MAP1B: variants seen among roughly 807,000 people sequenced by gnomAD.
MAP1B encodes microtubule associated protein 1B.
Under a neutral mutation model 176.1 loss-of-function variants are expected in MAP1B, and 12 were observed. The observed-to-expected ratio is 0.07, with a 90% CI of 0.04 to 0.11. The LOEUF (loss-of-function observed/expected upper bound fraction) is 0.11. Among genes scored for constraint, MAP1B ranks in the 10% least tolerant of loss-of-function variants. MAP1B has a pLI of 1.00. For synonymous variants in MAP1B, 1,044 were observed against 1,135.0 expected (o/e 0.92, Z 1.61); for missense variants, 2,523 against 2,990.5 (o/e 0.84, Z 3.65).
At chr5:72,149,548 C>T (rs956282378) in intron 2 of MAP1B, among the ~76,000 whole-genome samples, 7 of 152,228 alleles carry the variant, frequency 4.6e-5, no homozygotes, top group Non-Finnish European at 1.0e-4. Context: ...GACTCTGGCC[C>T]AGCCTTCTAA....
chr5:72,183,712 T>C, intron 2 of MAP1B, 31 bp from the exon 3 acceptor site: 4 of 1,582,142 alleles, frequency 2.5e-6, no homozygotes, highest in Non-Finnish European at 3.5e-6. Context: ...GCTAAAGGTC[T>C]CCTCTTTTGT....
At chr5:72,129,538 C>T (rs995315703) in intron 2 of MAP1B, among the ~76,000 whole-genome samples, 1 of 151,294 alleles carries the variant, frequency 6.6e-6, no homozygotes, top group African/African-American at 2.4e-5. Flanking sequence ...GCCTAGCTGA[C>T]AGAGTGAGAC....
Position 72,193,935 on chromosome 5 carries a change from G to C in MAP1B, c.580G>C (p.Gly194Arg). ...CTTAACCCTGTTCTGTCCTGAAGAA[G>C]GGGACTGGAAGAACTCCAATCTTGA... is the stretch of plus-strand genomic sequence containing the variant. ...ASLTLFCPEEGDWKNSNLDRH... is the reference protein window; with the variant it reads ...ASLTLFCPEERDWKNSNLDRH... The change falls in exon 5 of 7, where the codon GGG becomes CGG. Residue 194 changes from glycine (G) to arginine (R), a missense_variant. This residue lies in a region of MAP1B where 307 missense variants were observed against 438.4 expected (regional missense o/e 0.70). Transcript: ENST00000296755. 6.2e-7 allele frequency: 1 copy of C among 1,614,078 alleles called. No homozygotes were observed. The highest frequency in any genetic ancestry group is 8.5e-7 in the Non-Finnish European group (1 of 1,179,968).
chr5:72,114,583 A>G (rs1262806326), intron 1 of MAP1B, among the ~76,000 whole-genome samples: 1 of 152,240 alleles, frequency 6.6e-6, no homozygotes, highest in Non-Finnish European at 1.5e-5. Context: ...TGAGCAACCT[A>G]TTAGGAAAAA....
chr5:72,208,915 T>G lies in MAP1B; in HGVS notation c.*3676T>G, dbSNP rs892496163. The G allele has an allele frequency of 3.9e-5, 6 of 152,174 alleles. No individual in the cohort carries two copies. Among genetic ancestry groups the G allele is most frequent in the Non-Finnish European group, 5.9e-5 (4 of 68,028 alleles). 9.4% of individuals were successfully genotyped at this position (152,174 alleles called of 1,614,324 possible). ...AACTTTTTTTTTTTGTGCTTCAGATTTAGAAGAAAAGATCCTGTTTCCATT... is the reference window on the plus strand; with the variant it reads ...AACTTTTTTTTTTTGTGCTTCAGATGTAGAAGAAAAGATCCTGTTTCCATT... On this transcript the variant is annotated 3_prime_UTR_variant, in exon 7 of 7. Coordinates refer to ENST00000296755, the MANE Select transcript of MAP1B (RefSeq NM_005909.5).
At chr5:72,118,836 C>T (rs1398550557) in intron 2 of MAP1B, among the ~76,000 whole-genome samples, 1 of 152,152 alleles carries the variant, frequency 6.6e-6, no homozygotes, top group Non-Finnish European at 1.5e-5. Context: ...TCAAGTCACC[C>T]ATATATCTGT....
chr5:72,184,206 G>A (rs910044266), intron 3 of MAP1B, among the ~76,000 whole-genome samples: 2 of 152,168 alleles, frequency 1.3e-5, no homozygotes, highest in East Asian at 1.9e-4. Flanking sequence ...GAGAAGAATG[G>A]CATCTCAAGA....
Position 72,195,306 on chromosome 5 carries a change from G to A in MAP1B, c.1951G>A (p.Glu651Lys), listed in dbSNP as rs1047609144. The change falls in exon 5 of 7, where the codon GAG becomes AAG. Residue 651 changes from glutamate to lysine, a missense_variant. This residue lies in a region of MAP1B where 1,925 missense variants were observed against 2,126.0 expected (regional missense o/e 0.91). Coordinates refer to ENST00000296755, the MANE Select transcript of MAP1B (RefSeq NM_005909.5). ...ETKVKPEDKK[E>K]EKEKPKKEVA... ...AAAGGTAAAGCCTGAAGACAAGAAA[G>A]AGGAGAAAGAAAAGCCAAAGAAAGA... 5 of 1,611,016 alleles carry A rather than the reference G, an allele frequency of 3.1e-6. No individual in the cohort carries two copies. The highest frequency in any genetic ancestry group is 4.2e-6 in the Non-Finnish European group (5 of 1,179,104).
chr5:72,193,925 T>C lies in MAP1B; in HGVS notation c.570T>C (p.Cys190=). The part of the protein sequence containing the change: ...PANKASLTLF[C]PEEGDWKNSN... ...ACAAAGCCAGCTTAACCCTGTTCTG[T>C]CCTGAAGAAGGGGACTGGAAGAACT... The change falls in exon 5 of 7, where the codon TGT becomes TGC. Residue 190 remains cysteine (C), a synonymous_variant. Transcript: ENST00000296755. 2 of 1,614,064 alleles carry C rather than the reference T, an allele frequency of 1.2e-6. No individual in the cohort carries two copies. Among genetic ancestry groups the C allele is most frequent in the Non-Finnish European group, 1.7e-6 (2 of 1,179,972 alleles).
At chr5:72,121,154 C>T (rs1359576513) in intron 2 of MAP1B, among the ~76,000 whole-genome samples, 1 of 152,168 alleles carries the variant, frequency 6.6e-6, no homozygotes, top group Non-Finnish European at 1.5e-5. Context: ...GGTGCCCACG[C>T]AAGGGCTGTC....
chr5:72,131,241 T>A (rs1461950793), intron 2 of MAP1B, among the ~76,000 whole-genome samples: 1 of 152,194 alleles, frequency 6.6e-6, no homozygotes, highest in Admixed American at 6.5e-5. Context: ...TAAGTAAACT[T>A]TAGAGCTGAG....
At position 72,165,478 on chromosome 5, in the gene MAP1B, A is replaced by C. The variant is rs540232952; in HGVS notation, c.287-18265A>C. On this transcript the variant is annotated intron_variant, in intron 2 of 6. Coordinates refer to ENST00000296755, the MANE Select transcript of MAP1B (RefSeq NM_005909.5). ...TGGTTAAAACGCTAATAGAATAGAG[A>C]TGTTACTTAGGGGATTCAATGGTCC... Among the ~76,000 whole-genome samples the C allele has an allele frequency of 3.3e-5, 5 of 152,280 alleles. No homozygotes were observed. The South Asian group carries it at 6.2e-4, about 19-fold the overall frequency.
chr5:72,128,012 T>C (rs1314047075), intron 2 of MAP1B, among the ~76,000 whole-genome samples: 4 of 152,176 alleles, frequency 2.6e-5, no homozygotes, highest in African/African-American at 9.6e-5. Flanking sequence ...AGTCTTTTTT[T>C]AAAAAAGGAC....
At chr5:72,155,348 A>G (rs12655064) in intron 2 of MAP1B, among the ~76,000 whole-genome samples, 21,500 of 152,168 alleles carry the variant, frequency 0.14, 1,748 homozygotes, top group African/African-American at 0.22. Flanking sequence ...CTATGGACCA[A>G]CTTAATAAAA....
rs145042509 is a variant in MAP1B, at chr5:72,196,284, A to G, written c.2929A>G (p.Ser977Gly). The G allele has an allele frequency of 7.9e-5, 128 of 1,614,090 alleles. 1 individual carries two copies. In the African/African-American group the frequency reaches 1.3e-3, roughly 16 times the overall value. The change falls in exon 5 of 7, where the codon AGT becomes GGT. Residue 977 changes from serine (S) to glycine (G), a missense_variant. Ser to Gly is a moderately conservative substitution (Grantham distance 56). Transcript: ENST00000296755. This position sits in a 1 kb window ranked among gnomAD's most constrained non-coding sequence, Gnocchi z 5.3. ...GCACAGCCCCACTGAGGATGAGGAAAGTGCCAAGGCGGAGGCTGATGCATA... is the reference window on the plus strand; with the variant it reads ...GCACAGCCCCACTGAGGATGAGGAAGGTGCCAAGGCGGAGGCTGATGCATA... ...SKHSPTEDEE[S>G]AKAEADAYIR... is the part of the protein sequence containing the mutation.
At chr5:72,112,149 G>A (rs1198137671) in intron 1 of MAP1B, among the ~76,000 whole-genome samples, 3 of 152,000 alleles carry the variant, frequency 2.0e-5, no homozygotes, top group Admixed American at 2.0e-4. Context: ...AATGATTTAG[G>A]TACTTGGAAA....
chr5:72,170,083 C>T (rs1374404473), intron 2 of MAP1B, among the ~76,000 whole-genome samples: 1 of 152,186 alleles, frequency 6.6e-6, no homozygotes. Flanking sequence ...ATCTGATTTA[C>T]TAAAAATTTA....
chr5:72,117,398 ATTGT>A (rs1408792872), intron 2 of MAP1B, among the ~76,000 whole-genome samples: 28 of 152,110 alleles, frequency 1.8e-4, no homozygotes, highest in African/African-American at 6.3e-4. Context: ...TTTTACTATG[ATTGT>A]TTGTAAGACT....
At chr5:72,178,105 T>C (rs1375658667) in intron 2 of MAP1B, among the ~76,000 whole-genome samples, 1 of 152,172 alleles carries the variant, frequency 6.6e-6, no homozygotes, top group East Asian at 1.9e-4. Context: ...CGGGTTCAAG[T>C]GATCCTCGTG....
Sources: gnomAD v4.1 joint callset for allele counts (sites outside exome capture counted in the v4.1 genomes callset) on GRCh38, gnomAD v4.1.1 for gene constraint, gnomAD v4.1.1 regional missense constraint, Gnocchi (gnomAD v3.1) non-coding constraint, MANE v1.5 for transcripts, NCBI Gene and HGNC (gene_info 2026-07-23, HGNC 2026-07-21) for gene names.